FOXO1: variants seen among roughly 807,000 people sequenced by gnomAD.
FOXO1 encodes forkhead box O1.
FOXO1 carries 6 observed loss-of-function variants against 44.1 expected under a neutral mutation model. The observed-to-expected ratio is 0.14, with a 90% CI of 0.07 to 0.27. The LOEUF (loss-of-function observed/expected upper bound fraction) is 0.27. Among genes scored for constraint, FOXO1 ranks in the 10% least tolerant of loss-of-function variants. FOXO1 has a pLI of 1.00. For missense variants in FOXO1, 737 were observed against 888.8 expected, an observed-to-expected ratio of 0.83 and a Z score of 2.17; for synonymous variants, 380 against 362.7, an observed-to-expected ratio of 1.05 and a Z score of -0.54.
intron 1 of FOXO1, among the ~76,000 whole-genome samples, chr13:40,582,950 T>A (rs529241916): frequency 2.1e-4 from 32 of 152,342 alleles, no homozygotes; most frequent in African/African-American, 7.2e-4. Flanking sequence ...CCCAGATCCA[T>A]CAGAGGAATC....
At chr13:40,594,107 A>C (rs1875487982) in intron 1 of FOXO1, among the ~76,000 whole-genome samples, 1 of 152,168 alleles carries the variant, frequency 6.6e-6, no homozygotes, top group African/African-American at 2.4e-5. Flanking sequence ...AAACACTTCC[A>C]AGTCAACTAT....
At chr13:40,592,933 C>A (rs532058443) in intron 1 of FOXO1, among the ~76,000 whole-genome samples, 1 of 152,108 alleles carries the variant, frequency 6.6e-6, no homozygotes, top group Admixed American at 6.5e-5. Flanking sequence ...CACTTCACAG[C>A]CTATATAAGA....
At chr13:40,603,943 A>G (rs1048839200) in intron 1 of FOXO1, among the ~76,000 whole-genome samples, 1 of 152,222 alleles carries the variant, frequency 6.6e-6, no homozygotes, top group African/African-American at 2.4e-5. Context: ...AGAGTGCCAT[A>G]TACAATCATG....
chr13:40,631,878 T>G (rs1876973692), intron 1 of FOXO1, among the ~76,000 whole-genome samples: 1 of 152,192 alleles, frequency 6.6e-6, no homozygotes, highest in Non-Finnish European at 1.5e-5. Context: ...TGAAAGTACT[T>G]AATGTCACGG....
chr13:40,577,119 C>T (rs1191157729), intron 1 of FOXO1, among the ~76,000 whole-genome samples: 1 of 152,132 alleles, frequency 6.6e-6, no homozygotes, highest in African/African-American at 2.4e-5. Flanking sequence ...ACTGCAGGGG[C>T]ATGAGGATAA....
chr13:40,637,967 AC>A (rs1365158341), intron 1 of FOXO1, among the ~76,000 whole-genome samples: 17 of 152,250 alleles, frequency 1.1e-4, no homozygotes, highest in Admixed American at 7.9e-4. Context: ...TACTGGAGGC[AC>A]CACACTTAGG....
chr13:40,571,156 C>A (rs1874475459), intron 1 of FOXO1, among the ~76,000 whole-genome samples: 1 of 150,616 alleles, frequency 6.6e-6, no homozygotes, highest in African/African-American at 2.4e-5. Context: ...AGCTAAAATT[C>A]TTCTAAATGC....
At chr13:40,620,798 G>GTTTTTT (rs762814974) in intron 1 of FOXO1, among the ~76,000 whole-genome samples, 2 of 105,516 alleles carry the variant, frequency 1.9e-5, no homozygotes, top group Admixed American at 1.9e-4. Flanking sequence ...TCTTCCCCTT[G>GTTTTTT]CTTTTTTTTT....
At chr13:40,610,875 T>C (rs996035936) in intron 1 of FOXO1, 4 of 264,108 alleles carry the variant, frequency 1.5e-5, no homozygotes, top group African/African-American at 9.2e-5. Context: ...GATAAACTGC[T>C]GCTTATTTAA....
In FOXO1 at chr13:40,666,576, G is replaced by A. The variant is rs1237393436; in HGVS notation, c.-364C>T. 4.5e-6 allele frequency: 1 copy of A among 222,256 alleles called. No individual in the cohort carries two copies. The highest frequency in any genetic ancestry group is 8.9e-6 in the Non-Finnish European group (1 of 112,084). 13.8% of individuals were successfully genotyped at this position (222,256 alleles called of 1,614,324 possible). On this transcript the variant is annotated 5_prime_UTR_variant, in exon 1 of 3. Coordinates refer to ENST00000379561, the MANE Select transcript of FOXO1 (RefSeq NM_002015.4). ...CCAGCGGCGCGCCCGCTGCGCTGCTGCCTGTTGAATGTGGCGGCTGCGGCA... is the reference window on the plus strand; with the variant it reads ...CCAGCGGCGCGCCCGCTGCGCTGCTACCTGTTGAATGTGGCGGCTGCGGCA...
At chr13:40,575,328 T>C (rs1377086272) in intron 1 of FOXO1, among the ~76,000 whole-genome samples, 2 of 151,916 alleles carry the variant, frequency 1.3e-5, no homozygotes, top group Admixed American at 1.3e-4. Flanking sequence ...GTGACAAAAA[T>C]AAATAAATAA....
chr13:40,655,064 G>C (rs1455410180), intron 1 of FOXO1, among the ~76,000 whole-genome samples: 1 of 152,124 alleles, frequency 6.6e-6, no homozygotes, highest in Non-Finnish European at 1.5e-5. Flanking sequence ...GGCAGGGCGT[G>C]GGGGCTCATG....
chr13:40,613,081 G>A (rs1444462066), intron 1 of FOXO1, among the ~76,000 whole-genome samples: 4 of 152,206 alleles, frequency 2.6e-5, no homozygotes, highest in African/African-American at 7.2e-5. Context: ...GCTGTAAGAT[G>A]ATCTCCAGTA....
rs146669721 is a variant in FOXO1 at position 40,600,266 on chromosome 13, C to G, written c.631-39406G>C. Among the ~76,000 whole-genome samples, 462 of 152,222 alleles carry G rather than the reference C, an allele frequency of 3.0e-3. 2 individuals are homozygous for G. Among genetic ancestry groups the G allele is most frequent in the South Asian group, 0.019 (90 of 4,826 alleles). ...GAGAAAAGATGGAGAGAAATGGACA[C>G]GAGAGGTGAAGAACAAGATAGCTGG... On this transcript the variant is annotated intron_variant, in intron 1 of 2. Coordinates refer to ENST00000379561, the MANE Select transcript of FOXO1 (RefSeq NM_002015.4).
At chr13:40,637,468 A>G (rs1013346366) in intron 1 of FOXO1, among the ~76,000 whole-genome samples, 2 of 143,650 alleles carry the variant, frequency 1.4e-5, no homozygotes, top group Non-Finnish European at 3.0e-5. Context: ...AAAAAAAAAA[A>G]GGTTACAATA....
intron 1 of FOXO1, among the ~76,000 whole-genome samples, chr13:40,637,628 C>T (rs552100582): frequency 2.0e-5 from 3 of 152,054 alleles, no homozygotes; most frequent in Middle Eastern, 3.2e-3. Flanking sequence ...ATTTATAAAA[C>T]ACTTCCTACA....
intron 1 of FOXO1, among the ~76,000 whole-genome samples, chr13:40,592,429 A>G (rs1183407541): frequency 1.3e-5 from 2 of 152,266 alleles, no homozygotes; most frequent in Non-Finnish European, 2.9e-5. Context: ...AGACCCATCT[A>G]TATCTCAAAG....
In FOXO1 at chr13:40,585,345, A is replaced by G. The variant is rs371205502; in HGVS notation, c.631-24485T>C. Among the ~76,000 whole-genome samples, 586 of 108,868 alleles carry G rather than the reference A, an allele frequency of 5.4e-3. 3 individuals carry two copies. The highest frequency in any genetic ancestry group is 0.013 in the African/African-American group (381 of 29,572). 71.4% of individuals were successfully genotyped at this position (108,868 alleles called of 152,430 possible). ...GTAAGTATTTCCTCTGCGCGCGCGC[A>G]CACACACACACACACACACACACAC... On this transcript the variant is annotated intron_variant, in intron 1 of 2. Transcript: ENST00000379561.
rs1486976078 is a variant in FOXO1 at position 40,558,524 on chromosome 13, T to A, written c.*525A>T. On this transcript the variant is annotated 3_prime_UTR_variant, in exon 3 of 3. Coordinates refer to ENST00000379561, the MANE Select transcript of FOXO1 (RefSeq NM_002015.4). ...CAGGTCCAAGGCTGTTCAATGGAGA[T>A]GCAGAATGGAGATTCAGTTCTTTGT... The A allele has an allele frequency of 4.3e-6, 1 of 230,118 alleles. No homozygotes were observed. Among genetic ancestry groups the A allele is most frequent in the South Asian group, 1.8e-4 (1 of 5,568 alleles). The allele number at this position is 230,118 out of a possible 1,614,324, so 14.3% of individuals were successfully genotyped here. A position where few individuals can be genotyped will look rare whatever the true frequency, so the allele number is the denominator to read the frequency against.
Sources: allele counts gnomAD v4.1 joint callset (sites outside exome capture counted in the v4.1 genomes callset), GRCh38; gene constraint gnomAD v4.1.1; transcripts MANE v1.5; gene names NCBI Gene and HGNC (gene_info 2026-07-23, HGNC 2026-07-21).